STK38L: variants seen among roughly 807,000 people sequenced by gnomAD.
The protein encoded by STK38L is serine/threonine kinase 38 like, also known as serine/threonine-protein kinase 38-like.
In STK38L, 28 loss-of-function variants were observed where a neutral mutation model predicts 59.7. The observed-to-expected ratio is 0.47, with a 90% CI of 0.35 to 0.64. STK38L has a LOEUF of 0.64. Ranked by LOEUF, STK38L falls within the 30% of genes least tolerant of loss-of-function variation. The pLI is 0.01. For missense variants in STK38L, 314 were observed against 555.8 expected (o/e 0.56, Z 4.37); for synonymous variants, 162 against 176.8 (o/e 0.92, Z 0.66).
At chr12:27,297,941 A>C in intron 2 of STK38L, 87 bp downstream of exon 2, 2 of 1,472,114 alleles carry the variant, frequency 1.4e-6, no homozygotes, top group Non-Finnish European at 1.9e-6. Context: ...CATGAATGAT[A>C]TGAATATTAT....
intron 1 of STK38L, among the ~76,000 whole-genome samples, chr12:27,290,939 T>G (rs1050107175): frequency 2.0e-5 from 3 of 152,186 alleles, no homozygotes; most frequent in Non-Finnish European, 2.9e-5. Context: ...TCTCTGACTA[T>G]TCATTATTAA....
At chr12:27,271,260 A>G (rs1943416823) in intron 1 of STK38L, among the ~76,000 whole-genome samples, 1 of 152,234 alleles carries the variant, frequency 6.6e-6, no homozygotes. Flanking sequence ...ATACTAATTC[A>G]TTTTTAGTTT....
At chr12:27,266,107 A>C (rs199963329) in intron 1 of STK38L, among the ~76,000 whole-genome samples, 1 of 152,242 alleles carries the variant, frequency 6.6e-6, no homozygotes, top group East Asian at 1.9e-4. Flanking sequence ...TTTAAGACAC[A>C]AAGGCATTGT....
At chr12:27,297,578 T>C (rs996468395) in intron 1 of STK38L, 132 bp from the exon 2 acceptor site, 3 of 849,592 alleles carry the variant, frequency 3.5e-6, no homozygotes, top group Non-Finnish European at 5.2e-6. Context: ...TTATTTATAA[T>C]GTGAAATACT....
chr12:27,285,167 TG>T (rs1943745030), intron 1 of STK38L, among the ~76,000 whole-genome samples: 1 of 152,230 alleles, frequency 6.6e-6, no homozygotes, highest in South Asian at 2.1e-4. Flanking sequence ...GCTCTTAAGT[TG>T]TTAAAACATT....
At chr12:27,294,854 G>C (rs1199382134) in intron 1 of STK38L, among the ~76,000 whole-genome samples, 1 of 150,446 alleles carries the variant, frequency 6.6e-6, no homozygotes, top group East Asian at 1.9e-4. Flanking sequence ...GTGACTACAG[G>C]TGTGCACTAC....
chr12:27,303,053 T>C (rs771682736), intron 3 of STK38L, among the ~76,000 whole-genome samples: 53 of 151,186 alleles, frequency 3.5e-4, no homozygotes, highest in Non-Finnish European at 6.3e-4. Context: ...CCTTCACTAC[T>C]TGGCCTCTGC....
chr12:27,318,153 TTTA>T (rs1202891619), intron 11 of STK38L, 134 bp downstream of exon 11: 2 of 1,136,424 alleles, frequency 1.8e-6, no homozygotes, highest in East Asian at 5.3e-5. Context: ...TAAAGGTGTT[TTTA>T]AAAATGTAAA....
intron 9 of STK38L, 151 bp downstream of exon 9, chr12:27,315,501 T>C (rs540034488): frequency 7.7e-5 from 52 of 672,156 alleles, no homozygotes; most frequent in Non-Finnish European, 1.2e-4. Flanking sequence ...TCTTAGTTTC[T>C]CTGTTAAGTT....
chr12:27,250,255 G>A (rs1010207885), intron 1 of STK38L, among the ~76,000 whole-genome samples: 7 of 152,132 alleles, frequency 4.6e-5, no homozygotes, highest in Non-Finnish European at 1.0e-4. Flanking sequence ...TTATGAATAC[G>A]GTTATTGCTA....
chr12:27,284,861 G>C (rs575713298), intron 1 of STK38L, among the ~76,000 whole-genome samples: 1 of 152,102 alleles, frequency 6.6e-6, no homozygotes. Flanking sequence ...TTGTATTCTG[G>C]TATCTTAATG....
chr12:27,255,893 A>G (rs1396231549), intron 1 of STK38L, among the ~76,000 whole-genome samples: 1 of 152,154 alleles, frequency 6.6e-6, no homozygotes, highest in Non-Finnish European at 1.5e-5. Context: ...TTCCATGGAT[A>G]ACTTGGATTC....
At chr12:27,280,501 T>C (rs1367518622) in intron 1 of STK38L, among the ~76,000 whole-genome samples, 2 of 152,172 alleles carry the variant, frequency 1.3e-5, no homozygotes, top group African/African-American at 4.8e-5. Context: ...TTGTCACCAT[T>C]AGGAGACTGT....
chr12:27,310,495 A>T (rs2136646477), intron 5 of STK38L, among the ~76,000 whole-genome samples: 1 of 152,208 alleles, frequency 6.6e-6, no homozygotes. Context: ...TGTAGATACC[A>T]GCCAGCCACA....
chr12:27,284,329 A>G (rs987155290), intron 1 of STK38L, among the ~76,000 whole-genome samples: 1 of 152,196 alleles, frequency 6.6e-6, no homozygotes, highest in Non-Finnish European at 1.5e-5. Flanking sequence ...GACTAATCCA[A>G]GGTTTTCCAC....
chr12:27,260,114 AT>A (rs533640389), intron 1 of STK38L, among the ~76,000 whole-genome samples: 451 of 151,922 alleles, frequency 3.0e-3, no homozygotes, highest in Non-Finnish European at 4.0e-3. Context: ...CACCACCACC[AT>A]GTTTTTCTGA....
intron 10 of STK38L, 26 bp downstream of exon 10, chr12:27,317,479 CA>C: frequency 1.3e-6 from 2 of 1,502,708 alleles, no homozygotes; most frequent in African/African-American, 1.4e-5. Flanking sequence ...CATTTATGTA[CA>C]AAATATATAC....
intron 1 of STK38L, among the ~76,000 whole-genome samples, chr12:27,258,328 T>G (rs940853136): frequency 6.6e-6 from 1 of 152,152 alleles, no homozygotes; most frequent in Non-Finnish European, 1.5e-5. Flanking sequence ...AGTTGCCTTT[T>G]TGTGTGTGTG....
chr12:27,245,667 A>C (rs1166754986), intron 1 of STK38L: 1 of 152,070 alleles, frequency 6.6e-6, no homozygotes, highest in Non-Finnish European at 1.5e-5. Flanking sequence ...ATTGTATGTG[A>C]ATTAGCCACC....
Sources: gnomAD v4.1 joint callset for allele counts (sites outside exome capture counted in the v4.1 genomes callset) on GRCh38, gnomAD v4.1.1 for gene constraint, MANE v1.5 for transcripts, NCBI Gene and HGNC (gene_info 2026-07-23, HGNC 2026-07-21) for gene names.